PRH2: variants seen among roughly 807,000 people sequenced by gnomAD.
The protein encoded by PRH2 is proline rich protein HaeIII subfamily 2.
PRH2 carries 19 observed loss-of-function variants against 22.6 expected under a neutral mutation model. That is an observed-to-expected ratio of 0.84 (90% CI 0.59 to 1.23). The LOEUF (loss-of-function observed/expected upper bound fraction) is 1.23. Among genes scored for constraint, PRH2 ranks in the 50% most tolerant of loss-of-function variants. The pLI is 0.00. For missense variants in PRH2, 109 were observed against 203.0 expected (o/e 0.54, Z 2.81); for synonymous variants, 45 against 72.0 (o/e 0.63, Z 1.90).
chr12:10,930,426 T>C (rs1175935572), intron 2 of PRH2, 122 bp downstream of exon 2: 2 of 1,473,362 alleles, frequency 1.4e-6, no homozygotes, highest in Non-Finnish European at 1.9e-6. Context: ...CCCAGAGATA[T>C]AAACAGTTTT....
Position 10,930,757 on chromosome 12 carries a change from A to T in PRH2, c.196A>T (p.Asn66Tyr), listed in dbSNP as rs1049112. 25 of 1,511,306 alleles carry T rather than the reference A, an allele frequency of 1.7e-5. No individual in the cohort carries two copies. The highest frequency in any genetic ancestry group is 5.3e-5 in the Admixed American group (3 of 56,154). The allele number at this position is 1,511,306 out of a possible 1,614,324, so 93.6% of individuals were successfully genotyped here. Residue 66 changes from asparagine to tyrosine, a missense_variant, in exon 3 of 4, where the codon AAT becomes TAT. Around this residue, in one of 4 missense-constraint regions of PRH2, gnomAD observed 14 missense variants for 31.0 expected, o/e 0.45. Coordinates refer to ENST00000396400, the MANE Select transcript of PRH2 (RefSeq NM_001110213.1). ...ACCCTCTGCTGGTGATGGGAACCAG[A>T]ATGATGGCCCTCAGCAGGGACCACC... is the stretch of plus-strand genomic sequence containing the variant. The part of the protein sequence containing the change: ...SQPSAGDGNQ[N>Y]DGPQQGPPQQ...
chr12:10,931,407 TG>T (rs1565479660), intron 3 of PRH2, among the ~76,000 whole-genome samples: 2 of 152,226 alleles, frequency 1.3e-5, no homozygotes, highest in Admixed American at 6.5e-5. Flanking sequence ...AAGTTTTACC[TG>T]AACACTCCTT....
At chr12:10,929,815 T>C (rs1950177438) in intron 1 of PRH2, among the ~76,000 whole-genome samples, 1 of 152,156 alleles carries the variant, frequency 6.6e-6, no homozygotes. Flanking sequence ...CAGAGTGAAA[T>C]ATTGTCATTT....
At position 10,931,198 on chromosome 12, in the gene PRH2, C is replaced by T. The variant is rs1591691981; in HGVS notation, c.*18+118C>T. 5 of 1,527,224 alleles carry T rather than the reference C, an allele frequency of 3.3e-6. No homozygotes were observed. The South Asian group carries it at 3.9e-5, about 12-fold the overall frequency. The allele number at this position is 1,527,224 out of a possible 1,614,324, so 94.6% of individuals were successfully genotyped here. A position where few individuals can be genotyped will look rare whatever the true frequency, so the allele number is the denominator to read the frequency against. Reference sequence around the variant, plus strand: ...TTTCCGTGTCCTGGAACACATTTCTCATGAGTTTTGTTCAAATATTCTGGG... The same window carrying T: ...TTTCCGTGTCCTGGAACACATTTCTTATGAGTTTTGTTCAAATATTCTGGG... On this transcript the variant is annotated intron_variant, in intron 3 of 3. Transcript: ENST00000396400.
At chr12:10,930,613 G>A in intron 2 of PRH2, 49 bp from the exon 3 acceptor site, 10 of 1,606,920 alleles carry the variant, frequency 6.2e-6, no homozygotes, top group Non-Finnish European at 8.5e-6. Flanking sequence ...TATGAAGACA[G>A]GAGGGTTTTC....
At chr12:10,930,412 G>C (rs78583659) in intron 2 of PRH2, 108 bp downstream of exon 2, 2 of 1,493,352 alleles carry the variant, frequency 1.3e-6, no homozygotes, top group East Asian at 4.5e-5. Context: ...GCTAATATCA[G>C]TGCCCCAGAG....
chr12:10,929,845 T>C (rs1950177867), intron 1 of PRH2, among the ~76,000 whole-genome samples: 1 of 152,230 alleles, frequency 6.6e-6, no homozygotes, highest in African/African-American at 2.4e-5. Flanking sequence ...CTGCATGTAG[T>C]ATTTTAATGT....
intron 3 of PRH2, 70 bp downstream of exon 3, chr12:10,931,150 A>G: frequency 6.3e-7 from 1 of 1,586,504 alleles, no homozygotes; most frequent in Non-Finnish European, 8.6e-7. Context: ...TGTGCCAGTG[A>G]ATCTATTGAA....
chr12:10,930,462 T>C (rs763329235), intron 2 of PRH2, among the ~76,000 whole-genome samples, 158 bp downstream of exon 2: 12 of 152,108 alleles, frequency 7.9e-5, no homozygotes, highest in South Asian at 2.1e-4. Flanking sequence ...CTGGGGACCA[T>C]GAGTAAAGAA....
intron 3 of PRH2, 192 bp downstream of exon 3, chr12:10,931,272 A>G: frequency 8.3e-7 from 1 of 1,199,628 alleles, no homozygotes; most frequent in Non-Finnish European, 1.1e-6. Context: ...AGGCAATTCC[A>G]ATTTTGAGAA....
At chr12:10,931,223 GA>G in intron 3 of PRH2, 143 bp downstream of exon 3, 1 of 1,489,212 alleles carries the variant, frequency 6.7e-7, no homozygotes, top group Admixed American at 2.4e-5. Context: ...AATATTCTGG[GA>G]TAAGGTAGCA....
In PRH2 at chr12:10,932,221, T is replaced by A. The variant is rs1331351110; in HGVS notation, c.*19-5T>A. ...CTTGCCTATAATCTTCCTTGTCTTT[T>A]TCAGGAAGTGAATAAGAAGATGACA... On this transcript the variant is annotated splice_polypyrimidine_tract_variant and splice_region_variant and intron_variant, in intron 3 of 3. Coordinates refer to ENST00000396400, the MANE Select transcript of PRH2 (RefSeq NM_001110213.1). 2.3e-6 allele frequency: 1 copy of A among 436,840 alleles called. No individual in the cohort carries two copies. Among genetic ancestry groups the A allele is most frequent in the East Asian group, 7.1e-5 (1 of 14,154 alleles). 27.1% of individuals were successfully genotyped at this position (436,840 alleles called of 1,614,324 possible).
intron 1 of PRH2, among the ~76,000 whole-genome samples, chr12:10,929,812 A>G (rs73042395): frequency 0.03 from 4,615 of 152,264 alleles, 124 homozygotes; most frequent in Admixed American, 0.084. Flanking sequence ...CACCAGAGTG[A>G]AATATTGTCA....
intron 3 of PRH2, 133 bp downstream of exon 3, chr12:10,931,213 A>T: frequency 6.6e-7 from 1 of 1,510,142 alleles, no homozygotes; most frequent in African/African-American, 1.4e-5. Flanking sequence ...GTTTTGTTCA[A>T]ATATTCTGGG....
chr12:10,931,740 C>T (rs1245923570), intron 3 of PRH2, among the ~76,000 whole-genome samples: 1 of 152,020 alleles, frequency 6.6e-6, no homozygotes, highest in Admixed American at 6.5e-5. Flanking sequence ...ATATTCAGTT[C>T]TGTGTCTTAC....
rs1314462312 is a variant in PRH2 at position 10,933,065 on chromosome 12, T to A, written c.*858T>A. On this transcript the variant is annotated 3_prime_UTR_variant, in exon 4 of 4. Transcript: ENST00000396400. Reference sequence around the variant, plus strand: ...CAGTAATAACTTCTTGAAAATCCAATAAAATTGGCAAAAGATTGTGAAAAT... The same window carrying A: ...CAGTAATAACTTCTTGAAAATCCAAAAAAATTGGCAAAAGATTGTGAAAAT... Among the ~76,000 whole-genome samples the A allele has an allele frequency of 6.6e-6, 1 of 151,980 alleles. No homozygotes were observed. The highest frequency in any genetic ancestry group is 1.5e-5 in the Non-Finnish European group (1 of 67,936).
rs1231925841 is a variant in PRH2 at position 10,932,902 on chromosome 12, A to G, written c.*695A>G. 1.3e-5 allele frequency among the ~76,000 whole-genome samples: 2 copies of G among 152,198 alleles called. No individual in the cohort carries two copies. Among genetic ancestry groups the G allele is most frequent in the African/African-American group, 4.8e-5 (2 of 41,450 alleles). The stretch of plus-strand genomic sequence containing the variant: ...ATGACTTTATAATGCAACCAGGAGT[A>G]TTGAAAAAAAAGTAAGCAATGAGCT... On this transcript the variant is annotated 3_prime_UTR_variant, in exon 4 of 4. Transcript: ENST00000396400.
In PRH2 at chr12:10,933,221, T is replaced by C. The variant is rs10492100; in HGVS notation, c.*1014T>C. ...AAACTGAACACAGTTTTTACAGATATACAATATGGAGTGACTTATATACAA... is the reference window on the plus strand; with the variant it reads ...AAACTGAACACAGTTTTTACAGATACACAATATGGAGTGACTTATATACAA... On this transcript the variant is annotated 3_prime_UTR_variant, in exon 4 of 4. Transcript: ENST00000396400. 0.24 allele frequency among the ~76,000 whole-genome samples: 36,644 copies of C among 151,838 alleles called. 4,492 individuals are homozygous for C. The highest frequency in any genetic ancestry group is 0.26 in the Non-Finnish European group (17,459 of 67,826).
chr12:10,931,857 G>T (rs1422128549), intron 3 of PRH2, among the ~76,000 whole-genome samples: 2 of 151,698 alleles, frequency 1.3e-5, no homozygotes, highest in African/African-American at 4.8e-5. Flanking sequence ...CTATTGTTTG[G>T]TTTTTCCATA....
Sources: gnomAD v4.1 joint callset for allele counts (sites outside exome capture counted in the v4.1 genomes callset) on GRCh38, gnomAD v4.1.1 for gene constraint, gnomAD v4.1.1 regional missense constraint, MANE v1.5 for transcripts, NCBI Gene and HGNC (gene_info 2026-07-23, HGNC 2026-07-21) for gene names.